The following ZDHHC7 variants were observed in gnomAD, a reference collection of about 807,000 sequenced individuals.
ZDHHC7 encodes the protein palmitoyltransferase ZDHHC7.
A neutral mutation model predicts 34.1 loss-of-function variants in ZDHHC7; 12 were observed. The observed-to-expected ratio is 0.35, with a 90% confidence interval of 0.23 to 0.57. The LOEUF is 0.57. Ranked by LOEUF, ZDHHC7 falls within the 20% of genes least tolerant of loss-of-function variation. The pLI is 0.84. For synonymous variants in ZDHHC7, 185 were observed against 155.4 expected (o/e 1.19, Z -1.42); for missense variants, 388 against 402.7 (o/e 0.96, Z 0.31).
intron 1 of ZDHHC7, among the ~76,000 whole-genome samples, chr16:85,006,326 T>A (rs1050333497): frequency 6.6e-6 from 1 of 151,992 alleles, no homozygotes; most frequent in Non-Finnish European, 1.5e-5. Context: ...ATCACTGTAC[T>A]CCAGCCTGAG....
At chr16:84,986,586 T>C (rs2072439969) in intron 3 of ZDHHC7, among the ~76,000 whole-genome samples, 1 of 152,112 alleles carries the variant, frequency 6.6e-6, no homozygotes, top group Admixed American at 6.5e-5. Context: ...CCTCTCACGA[T>C]CCCAAAGTGA....
intron 1 of ZDHHC7, among the ~76,000 whole-genome samples, chr16:85,009,983 C>G (rs1314050891): frequency 6.6e-6 from 1 of 151,830 alleles, no homozygotes; most frequent in African/African-American, 2.4e-5. Context: ...GCTGGGATCA[C>G]AGGCATGAGC....
intron 2 of ZDHHC7, among the ~76,000 whole-genome samples, chr16:84,992,410 T>C (rs965640032): frequency 2.0e-5 from 3 of 151,774 alleles, no homozygotes; most frequent in African/African-American, 7.3e-5. Flanking sequence ...GGGGTGGAGG[T>C]TGCAGTGAGC....
chr16:84,976,933 A>C (rs2072306143), intron 7 of ZDHHC7, among the ~76,000 whole-genome samples, 162 bp downstream of exon 7: 1 of 152,198 alleles, frequency 6.6e-6, no homozygotes, highest in Non-Finnish European at 1.5e-5. Context: ...CACTGCCCAG[A>C]ATGAAAGAAA....
intron 3 of ZDHHC7, among the ~76,000 whole-genome samples, chr16:84,989,146 T>C (rs985356009): frequency 6.6e-6 from 1 of 152,164 alleles, no homozygotes; most frequent in African/African-American, 2.4e-5. Context: ...GACTCCACCA[T>C]CAGATCAGGC....
At chr16:84,997,755 T>C (rs1486083766) in intron 1 of ZDHHC7, among the ~76,000 whole-genome samples, 1 of 143,794 alleles carries the variant, frequency 7.0e-6, no homozygotes, top group Non-Finnish European at 1.5e-5. Context: ...TAGCTAGGCG[T>C]GGTGGTGGGC....
intron 1 of ZDHHC7, among the ~76,000 whole-genome samples, chr16:84,998,183 G>C (rs1472816388): frequency 2.0e-5 from 3 of 150,498 alleles, no homozygotes; most frequent in African/African-American, 7.4e-5. Flanking sequence ...AGAACGGCGC[G>C]AACCCGGGAG....
chr16:84,985,876 AC>A (rs1475366006), intron 3 of ZDHHC7, among the ~76,000 whole-genome samples: 2 of 145,992 alleles, frequency 1.4e-5, no homozygotes, highest in African/African-American at 5.1e-5. Flanking sequence ...AATCGCTTGA[AC>A]CCAAGAGGCA....
At chr16:85,025,596 G>A in the ZDHHC7 span, among the ~76,000 whole-genome samples, 1 of 152,242 alleles carries the variant, frequency 6.6e-6, no homozygotes, top group East Asian at 1.9e-4. Context: ...TTTTAGTAGA[G>A]ACCAGGTTTC....
chr16:84,997,781 T>C (rs2072599593), intron 1 of ZDHHC7, among the ~76,000 whole-genome samples: 1 of 145,790 alleles, frequency 6.9e-6, no homozygotes, highest in African/African-American at 2.5e-5. Context: ...TAGTCCCAGC[T>C]ACTCGGGAGG....
At chr16:85,012,970 T>G (rs1409969296), upstream of ZDHHC7, among the ~76,000 whole-genome samples, 1 of 151,920 alleles carries the variant, frequency 6.6e-6, no homozygotes, top group Non-Finnish European at 1.5e-5. Flanking sequence ...GACAGAAAAA[T>G]TATTTTCAGC....
At chr16:84,997,741 A>T (rs1217348101) in intron 1 of ZDHHC7, among the ~76,000 whole-genome samples, 1 of 148,906 alleles carries the variant, frequency 6.7e-6, no homozygotes, top group East Asian at 2.1e-4. Flanking sequence ...AAAAATACAA[A>T]AATTAGCTAG....
the ZDHHC7 span, among the ~76,000 whole-genome samples, chr16:85,021,280 C>A: frequency 0.012 from 1,798 of 151,718 alleles, 45 homozygotes; most frequent in African/African-American, 0.041. Flanking sequence ...GGTGTGGTGG[C>A]GCACACCTTT....
intron 1 of ZDHHC7, among the ~76,000 whole-genome samples, chr16:85,000,338 G>A (rs750882297): frequency 1.3e-5 from 2 of 152,132 alleles, no homozygotes; most frequent in Non-Finnish European, 2.9e-5. Context: ...TCCAGACCCT[G>A]TCTTGGATTT....
At chr16:85,004,445 G>A (rs1263690258) in intron 1 of ZDHHC7, among the ~76,000 whole-genome samples, 1 of 152,008 alleles carries the variant, frequency 6.6e-6, no homozygotes, top group African/African-American at 2.4e-5. Flanking sequence ...CACCCAGAGT[G>A]GTCTTCCACA....
the ZDHHC7 span, among the ~76,000 whole-genome samples, chr16:85,021,457 C>T: frequency 6.8e-6 from 1 of 147,844 alleles, no homozygotes; most frequent in African/African-American, 2.5e-5. Flanking sequence ...ACCTATAATC[C>T]CAGAGCTTTG....
chr16:85,011,389 C>T lies in ZDHHC7; in HGVS notation c.-207G>A, dbSNP rs541705670. 3 of 152,724 alleles carry T rather than the reference C, an allele frequency of 2.0e-5. No homozygotes were observed. The highest frequency in any genetic ancestry group is 1.3e-4 in the Admixed American group (2 of 15,258). 9.5% of individuals were successfully genotyped at this position (152,724 alleles called of 1,614,324 possible). ...GGCAGGGACGCATCATGCGGCCGCG[C>T]TCATGGCCGGGCTGGAGCGGGCCCC... is the stretch of plus-strand genomic sequence containing the variant. On this transcript the variant is annotated 5_prime_UTR_variant, in exon 1 of 8. Coordinates refer to ENST00000313732, the MANE Select transcript of ZDHHC7 (RefSeq NM_017740.3).
intron 7 of ZDHHC7, 150 bp from the exon 8 acceptor site, chr16:84,976,669 A>AC (rs1348153117): frequency 8.5e-7 from 1 of 1,175,324 alleles, no homozygotes; most frequent in Non-Finnish European, 1.2e-6. Flanking sequence ...CCCGATCCAG[A>AC]CCCCGTGGCC....
chr16:85,023,168 CT>C, the ZDHHC7 span, among the ~76,000 whole-genome samples: 290 of 138,866 alleles, frequency 2.1e-3, no homozygotes, highest in Middle Eastern at 7.8e-3. Flanking sequence ...TCTTTCTTTT[CT>C]TTTTTTTTTT....
Sources: allele counts gnomAD v4.1 joint callset (sites outside exome capture counted in the v4.1 genomes callset), GRCh38; gene constraint gnomAD v4.1.1; transcripts MANE v1.5; gene names NCBI Gene and HGNC (gene_info 2026-07-23, HGNC 2026-07-21).